Variants in ERN2 observed in about 807,000 individuals in gnomAD.
The protein encoded by ERN2 is endoplasmic reticulum to nucleus signaling 2, also known as serine/threonine-protein kinase/endoribonuclease IRE2.
In ERN2, 111 loss-of-function variants were observed where a neutral mutation model predicts 107.9. The observed-to-expected ratio is 1.03, with a 90% CI of 0.88 to 1.20. The LOEUF (loss-of-function observed/expected upper bound fraction) is 1.20. Ranked by LOEUF, ERN2 falls within the 50% of genes most tolerant of loss-of-function variation. ERN2 has a pLI of 0.00. For synonymous variants in ERN2, 524 were observed against 501.7 expected (o/e 1.04, Z -0.59); for missense variants, 1,225 against 1,197.9 (o/e 1.02, Z -0.33).
rs774745804 is a variant in ERN2 at position 23,695,350 on chromosome 16, GAGCCGCTTGAC to G, written c.1639_1649del (p.Val547ProfsTer19). The G allele has an allele frequency of 3.7e-6, 6 of 1,608,434 alleles. No individual in the cohort carries two copies. The highest frequency in any genetic ancestry group is 5.1e-6 in the Non-Finnish European group (6 of 1,177,680). On this transcript the variant is annotated frameshift_variant, in exon 15 of 22. Coordinates refer to ENST00000256797, the MANE Select transcript of ERN2 (RefSeq NM_033266.4). LOFTEE classifies it high-confidence loss of function. The stretch of plus-strand genomic sequence containing the variant: ...GAACCAGGCCAAAGCACTCGCGGAG[GAGCCGCTTGAC>G]AGCCACTGCCCGTCCCTCAAACTGT...
At chr16:23,708,997 C>T (rs1328130079) in intron 4 of ERN2, among the ~76,000 whole-genome samples, 1 of 152,170 alleles carries the variant, frequency 6.6e-6, no homozygotes, top group Non-Finnish European at 1.5e-5. Flanking sequence ...ACAAAATGTC[C>T]TCAAACTATT....
Position 23,691,949 on chromosome 16 carries a change from G to C in ERN2, c.2376+14C>G, listed in dbSNP as rs764435802. ...TAGGACTTTTGGGGGCCATTCCCAA[G>C]CTTTCCTTCTGACCTGGAAGAACTG... On this transcript the variant is annotated intron_variant, in intron 19 of 21. Transcript: ENST00000256797. 1.9e-6 allele frequency: 3 copies of C among 1,609,576 alleles called. No homozygotes were observed. Among genetic ancestry groups the C allele is most frequent in the Non-Finnish European group, 2.5e-6 (3 of 1,178,244 alleles).
In ERN2 at chr16:23,702,743, G is replaced by T. The variant is rs777560920; in HGVS notation, c.855-41C>A. The T allele has an allele frequency of 3.9e-6, 6 of 1,526,600 alleles. No individual in the cohort carries two copies. The African/African-American group carries it at 8.2e-5, about 21-fold the overall frequency. The allele number at this position is 1,526,600 out of a possible 1,614,324, so 94.6% of individuals were successfully genotyped here. A position where few individuals can be genotyped will look rare whatever the true frequency, so the allele number is the denominator to read the frequency against. On this transcript the variant is annotated intron_variant, in intron 8 of 21. Transcript: ENST00000256797. ...AAAAAGAAGAGAAGAATGAATGCTGGTGATGGGTAGTTTCAGTTATCAAGG... is the reference window on the plus strand; with the variant it reads ...AAAAAGAAGAGAAGAATGAATGCTGTTGATGGGTAGTTTCAGTTATCAAGG...
chr16:23,708,347 CTTTTTTT>C (rs747761449), intron 4 of ERN2, among the ~76,000 whole-genome samples: 6 of 54,716 alleles, frequency 1.1e-4, no homozygotes, highest in Non-Finnish European at 1.7e-4. Context: ...TGGTGCTATT[CTTTTTTT>C]TTTTTTTTTT....
chr16:23,702,643 T>C lies in ERN2; in HGVS notation c.914A>G (p.His305Arg). The change falls in exon 9 of 22, where the codon CAC (histidine) becomes CGC (arginine). Residue 305 changes from histidine (H) to arginine (R), a missense_variant. By Grantham distance (29) the His-to-Arg change is conservative. Transcript: ENST00000256797. ...TGFYVSKALV[H>R]TGVALVPRGL... Reference sequence around the variant, plus strand: ...TCTTACCACCAGGGCCACTCCTGTGTGGACCAGTGCTTTAGAGACATAGAA... The same window carrying C: ...TCTTACCACCAGGGCCACTCCTGTGCGGACCAGTGCTTTAGAGACATAGAA... The C allele has an allele frequency of 1.2e-6, 2 of 1,614,228 alleles. No individual in the cohort carries two copies. Among genetic ancestry groups the C allele is most frequent in the Middle Eastern group, 1.6e-4 (1 of 6,062 alleles).
At position 23,691,197 on chromosome 16, in the gene ERN2, C is replaced by T. The variant is rs1959578139; in HGVS notation, c.2501-1G>A. On this transcript the variant is annotated splice_acceptor_variant, in intron 20 of 21. Transcript: ENST00000256797. LOFTEE classifies it high-confidence loss of function. ...TTATAGGACCGGAACTTTCTCAGAT[C>T]TGTGGACAGGGAATTCAGTGGCAAA... 6.2e-7 allele frequency: 1 copy of T among 1,614,052 alleles called. No individual in the cohort carries two copies. The highest frequency in any genetic ancestry group is 8.5e-7 in the Non-Finnish European group (1 of 1,179,992).
intron 8 of ERN2, among the ~76,000 whole-genome samples, chr16:23,703,998 C>T (rs1412265196): frequency 6.6e-6 from 1 of 152,096 alleles, no homozygotes; most frequent in Non-Finnish European, 1.5e-5. Context: ...GGAACAATGG[C>T]TGGGTTATTT....
chr16:23,700,628 G>A lies in ERN2; in HGVS notation c.1436C>T (p.Ala479Val), dbSNP rs1478821980. 1 of 1,614,022 alleles carries A rather than the reference G, an allele frequency of 6.2e-7. No homozygotes were observed. Among genetic ancestry groups the A allele is most frequent in the Non-Finnish European group, 8.5e-7 (1 of 1,180,014 alleles). Residue 479 changes from alanine (A) to valine (V), a missense_variant, in exon 13 of 22, where the codon GCC becomes GTC. Ala to Val is a moderately conservative substitution (Grantham distance 64). Coordinates refer to ENST00000256797, the MANE Select transcript of ERN2 (RefSeq NM_033266.4). The part of the protein sequence containing the change: ...PADFAHISQD[A>V]QSLHSGASRR... Reference sequence around the variant, plus strand: ...GCTGGCCCCCGAGTGCAGGGACTGGGCATCCTGGGAGATGTGAGCAAAGTC... The same window carrying A: ...GCTGGCCCCCGAGTGCAGGGACTGGACATCCTGGGAGATGTGAGCAAAGTC...
At chr16:23,694,276 C>T (rs1440004088) in intron 17 of ERN2, among the ~76,000 whole-genome samples, 2 of 152,178 alleles carry the variant, frequency 1.3e-5, no homozygotes, top group Non-Finnish European at 2.9e-5. Flanking sequence ...GGATTACAGG[C>T]GTGAGCCACC....
chr16:23,696,766 C>T (rs998603165), intron 13 of ERN2: 3 of 152,164 alleles, frequency 2.0e-5, no homozygotes, highest in Non-Finnish European at 4.4e-5. Flanking sequence ...CCAACGGGCA[C>T]TATTCATATG....
Position 23,710,531 on chromosome 16 carries a change from G to A in ERN2, c.218C>T (p.Pro73Leu). Residue 73 changes from proline to leucine, a missense_variant, in exon 3 of 22, where the codon CCA (proline) becomes CTA (leucine). Transcript: ENST00000256797. ...GTTCACTTACTCTGTGACGTACATTGGTCCTTCGATGACGGGATCTGCAGG... is the reference window on the plus strand; with the variant it reads ...GTTCACTTACTCTGTGACGTACATTAGTCCTTCGATGACGGGATCTGCAGG... ...TLRDDPVIEG[P>L]MYVTEMAFLS... 6.2e-7 allele frequency: 1 copy of A among 1,614,142 alleles called. No individual in the cohort carries two copies. The highest frequency in any genetic ancestry group is 8.5e-7 in the Non-Finnish European group (1 of 1,180,022).
At chr16:23,706,085 T>G in intron 7 of ERN2, 2 of 428,332 alleles carry the variant, frequency 4.7e-6, no homozygotes, top group Non-Finnish European at 8.2e-6. Context: ...GGTTACCCGG[T>G]TGGGGCCACT....
rs748429061 is a variant in ERN2 at position 23,700,916 on chromosome 16, G to A, written c.1359+43C>T. The A allele has an allele frequency of 9.5e-6, 15 of 1,580,646 alleles. No homozygotes were observed. In the East Asian group the frequency reaches 2.0e-4, roughly 21 times the overall value. ...TGAGTGGTCTCAGAGAGGAGAAGCA[G>A]CGTTCTCCCCAGATAGACCTGAGGT... On this transcript the variant is annotated intron_variant, in intron 12 of 21. Transcript: ENST00000256797.
chr16:23,694,712 T>C lies in ERN2; in HGVS notation c.2100+16A>G. Reference sequence around the variant, plus strand: ...GGGGCAGCTGTGTGCCTGGAGGACTTGGTGGATAGACTCACAGGACTGTCT... The same window carrying C: ...GGGGCAGCTGTGTGCCTGGAGGACTCGGTGGATAGACTCACAGGACTGTCT... On this transcript the variant is annotated intron_variant, in intron 17 of 21. Coordinates refer to ENST00000256797, the MANE Select transcript of ERN2 (RefSeq NM_033266.4). 1 of 1,586,544 alleles carries C rather than the reference T, an allele frequency of 6.3e-7. No individual in the cohort carries two copies. Among genetic ancestry groups the C allele is most frequent in the East Asian group, 2.3e-5 (1 of 44,376 alleles).
rs1274052300 is a variant in ERN2, at chr16:23,700,872, G to A, written c.1359+87C>T. On this transcript the variant is annotated intron_variant, in intron 12 of 21. Coordinates refer to ENST00000256797, the MANE Select transcript of ERN2 (RefSeq NM_033266.4). ...GAGGCAGGGGGCAAAATCAGAGCTG[G>A]GTAGAGGGAGAGAGTTGCTGAGTGG... is the stretch of plus-strand genomic sequence containing the variant. 4.6e-6 allele frequency: 7 copies of A among 1,511,392 alleles called. No homozygotes were observed. The African/African-American group carries it at 6.9e-5, about 15-fold the overall frequency. 93.6% of individuals were successfully genotyped at this position (1,511,392 alleles called of 1,614,324 possible).
At chr16:23,703,058 A>G (rs111398936) in intron 8 of ERN2, among the ~76,000 whole-genome samples, 2 of 152,126 alleles carry the variant, frequency 1.3e-5, no homozygotes, top group African/African-American at 4.8e-5. Context: ...CAACCAAGCC[A>G]TGAGCAGACT....
In ERN2 at chr16:23,691,156, T is replaced by G; in HGVS notation, c.2541A>C (p.Arg847=). The change falls in exon 21 of 22, where the codon CGA becomes CGC. Residue 847 remains arginine, a synonymous_variant. Coordinates refer to ENST00000256797, the MANE Select transcript of ERN2 (RefSeq NM_033266.4). ...TGTTCCTCACAGCACGGAGCAGGTCTCGCACTGATGTCCCCTTATAGGACC... is the reference window on the plus strand; with the variant it reads ...TGTTCCTCACAGCACGGAGCAGGTCGCGCACTGATGTCCCCTTATAGGACC... ...KFRSYKGTSV[R]DLLRAVRNKK... 6.2e-7 allele frequency: 1 copy of G among 1,614,080 alleles called. No individual in the cohort carries two copies. Among genetic ancestry groups the G allele is most frequent in the South Asian group, 1.1e-5 (1 of 91,072 alleles).
intron 4 of ERN2, among the ~76,000 whole-genome samples, chr16:23,707,676 G>A (rs368075707): frequency 1.3e-5 from 2 of 152,276 alleles, no homozygotes; most frequent in African/African-American, 4.8e-5. Context: ...TTGTGCCACT[G>A]CACTCCAGCC....
rs767394833 is a variant in ERN2 at position 23,695,294 on chromosome 16, T to C, written c.1706A>G (p.Asp569Gly). The C allele has an allele frequency of 6.2e-7, 1 of 1,613,956 alleles. No individual in the cohort carries two copies. The highest frequency in any genetic ancestry group is 8.5e-7 in the Non-Finnish European group (1 of 1,180,000). The part of the protein sequence containing the change: ...RREVQLLQES[D>G]RHPNVLRYFC... Reference sequence around the variant, plus strand: ...GTAGCGGAGCACGTTGGGGTGCCTGTCAGACTCCTGCAGCAGTTGAACTTC... The same window carrying C: ...GTAGCGGAGCACGTTGGGGTGCCTGCCAGACTCCTGCAGCAGTTGAACTTC... Residue 569 changes from aspartate to glycine, a missense_variant, in exon 15 of 22, where the codon GAC (aspartate) becomes GGC (glycine). By Grantham distance (94) the Asp-to-Gly change is moderately conservative. Transcript: ENST00000256797.
Sources: allele counts gnomAD v4.1 joint callset (sites outside exome capture counted in the v4.1 genomes callset), GRCh38; gene constraint gnomAD v4.1.1; transcripts MANE v1.5; gene names NCBI Gene and HGNC (gene_info 2026-07-23, HGNC 2026-07-21).